The following PXDNL variants were observed in gnomAD, a reference collection of about 807,000 sequenced individuals.
PXDNL encodes the protein peroxidasin like.
Under a neutral mutation model 150.8 loss-of-function variants are expected in PXDNL, and 145 were observed. That is an observed-to-expected ratio of 0.96 (90% CI 0.84 to 1.10). The LOEUF is 1.10. Ranked by LOEUF, PXDNL falls within the 50% of genes least tolerant of loss-of-function variation. The pLI is 0.00. For missense variants in PXDNL, 2,087 were observed against 1,873.9 expected (o/e 1.11, Z -2.10); for synonymous variants, 757 against 725.7 (o/e 1.04, Z -0.69).
chr8:51,553,740 T>TTATATATATATA (rs747698313), intron 4 of PXDNL, among the ~76,000 whole-genome samples: 35 of 112,904 alleles, frequency 3.1e-4, no homozygotes, highest in African/African-American at 5.7e-4. Context: ...GTGAGGGATT[T>TTATATATATATA]TATATATATA....
chr8:51,336,598 C>A (rs1805836338), intron 21 of PXDNL, among the ~76,000 whole-genome samples: 1 of 152,198 alleles, frequency 6.6e-6, no homozygotes, highest in Admixed American at 6.5e-5. Context: ...ATAGTTGCAC[C>A]TGACAGTCAC....
At chr8:51,405,916 T>A (rs1159441206) in intron 17 of PXDNL, among the ~76,000 whole-genome samples, 1 of 152,160 alleles carries the variant, frequency 6.6e-6, no homozygotes, top group Non-Finnish European at 1.5e-5. Context: ...ACTCAATGTT[T>A]AGGCTGCACA....
At chr8:51,424,117 C>G in intron 13 of PXDNL, among the ~76,000 whole-genome samples, 1 of 152,236 alleles carries the variant, frequency 6.6e-6, no homozygotes, top group East Asian at 1.9e-4. Context: ...AATCCCAGCA[C>G]TTTGGAAGGC....
intron 1 of PXDNL, among the ~76,000 whole-genome samples, chr8:51,686,856 C>T (rs1815888426): frequency 6.6e-6 from 1 of 151,830 alleles, no homozygotes; most frequent in South Asian, 2.1e-4. Flanking sequence ...AAAAGGCAAA[C>T]AATCTAAGAA....
At chr8:51,638,574 T>C (rs1234936089) in intron 2 of PXDNL, among the ~76,000 whole-genome samples, 1 of 152,036 alleles carries the variant, frequency 6.6e-6, no homozygotes, top group East Asian at 1.9e-4. Flanking sequence ...AAACAGACTT[T>C]AAACCAACAA....
chr8:51,461,846 C>A (rs1810092049), intron 8 of PXDNL, among the ~76,000 whole-genome samples: 1 of 152,162 alleles, frequency 6.6e-6, no homozygotes, highest in Admixed American at 6.5e-5. Context: ...GTCTCCCCCA[C>A]CCCTAGAGCA....
At chr8:51,497,641 A>C (rs916528487) in intron 5 of PXDNL, among the ~76,000 whole-genome samples, 1 of 152,252 alleles carries the variant, frequency 6.6e-6, no homozygotes, top group African/African-American at 2.4e-5. Flanking sequence ...GACACTTCTC[A>C]AAAGAAGACA....
chr8:51,717,906 G>C (rs554778841), intron 1 of PXDNL, among the ~76,000 whole-genome samples: 1 of 152,294 alleles, frequency 6.6e-6, no homozygotes, highest in Admixed American at 6.5e-5. Context: ...AATTATAAGG[G>C]GGGTTTCCAA....
At chr8:51,505,911 C>A (rs1811275860) in intron 4 of PXDNL, among the ~76,000 whole-genome samples, 1 of 152,182 alleles carries the variant, frequency 6.6e-6, no homozygotes, top group South Asian at 2.1e-4. Flanking sequence ...AGCTTCATTG[C>A]ACAATAGCAA....
At chr8:51,450,880 G>C (rs1446343631) in intron 10 of PXDNL, among the ~76,000 whole-genome samples, 1 of 152,076 alleles carries the variant, frequency 6.6e-6, no homozygotes, top group African/African-American at 2.4e-5. Flanking sequence ...TAGAGAATCT[G>C]GGCCGCTCAA....
At chr8:51,662,191 A>T (rs1204538228) in intron 1 of PXDNL, among the ~76,000 whole-genome samples, 1 of 152,194 alleles carries the variant, frequency 6.6e-6, no homozygotes, top group Non-Finnish European at 1.5e-5. Context: ...GATTCAATGG[A>T]CTGCAGATCA....
chr8:51,739,862 C>A (rs540017643), intron 1 of PXDNL, among the ~76,000 whole-genome samples: 5 of 118,094 alleles, frequency 4.2e-5, no homozygotes, highest in Admixed American at 1.0e-4. Context: ...AGAAAAAGAG[C>A]GAGATTCTGT....
chr8:51,492,353 G>A (rs981522136), intron 5 of PXDNL, among the ~76,000 whole-genome samples: 1 of 152,180 alleles, frequency 6.6e-6, no homozygotes, highest in Non-Finnish European at 1.5e-5. Context: ...TTCCCAGCAT[G>A]AGCGACACAG....
At chr8:51,748,367 A>G (rs920807767) in intron 1 of PXDNL, among the ~76,000 whole-genome samples, 1 of 152,194 alleles carries the variant, frequency 6.6e-6, no homozygotes, top group East Asian at 1.9e-4. Context: ...TTTTGTCCTC[A>G]GTTATCATCT....
At chr8:51,348,147 G>A (rs1047119640) in intron 19 of PXDNL, among the ~76,000 whole-genome samples, 6 of 152,168 alleles carry the variant, frequency 3.9e-5, no homozygotes, top group Non-Finnish European at 8.8e-5. Context: ...CAGCATCTCC[G>A]GCTAAGCCAA....
At chr8:51,584,134 A>T (rs886415288) in intron 3 of PXDNL, among the ~76,000 whole-genome samples, 7 of 152,230 alleles carry the variant, frequency 4.6e-5, no homozygotes, top group African/African-American at 1.7e-4. Context: ...TTTCTCAGGT[A>T]GTCAGCATAT....
intron 1 of PXDNL, among the ~76,000 whole-genome samples, chr8:51,696,869 A>AGG (rs1816158836): frequency 1.1e-4 from 1 of 9,212 alleles, no homozygotes; most frequent in African/African-American, 3.7e-4. Flanking sequence ...GTCCACACAC[A>AGG]TGTGCACACA....
At position 51,485,112 on chromosome 8, in the gene PXDNL, C is replaced by T. The variant is rs370885196; in HGVS notation, c.453-1398G>A. ...AAATCATGTGGCCATATTTTCTTAT[C>T]AGTGTTTTGGCTTTATGTTTTTGGC... On this transcript the variant is annotated intron_variant, in intron 5 of 22. Coordinates refer to ENST00000356297, the MANE Select transcript of PXDNL (RefSeq NM_144651.5). 1.3e-3 allele frequency among the ~76,000 whole-genome samples: 191 copies of T among 152,172 alleles called. 7 individuals are homozygous for T. In the South Asian group the frequency reaches 0.036, roughly 28 times the overall value.
At chr8:51,640,747 A>G (rs1420863692) in intron 2 of PXDNL, among the ~76,000 whole-genome samples, 1 of 152,198 alleles carries the variant, frequency 6.6e-6, no homozygotes, top group Non-Finnish European at 1.5e-5. Context: ...CATGGGTAGG[A>G]AGAATCAATA....
Sources: gnomAD v4.1 joint callset for allele counts (sites outside exome capture counted in the v4.1 genomes callset) on GRCh38, gnomAD v4.1.1 for gene constraint, MANE v1.5 for transcripts, NCBI Gene and HGNC (gene_info 2026-07-23, HGNC 2026-07-21) for gene names.